The following SLC38A4 variants were observed in gnomAD, a reference collection of about 807,000 sequenced individuals.
The protein encoded by SLC38A4 is solute carrier family 38 member 4.
A neutral mutation model predicts 63.1 loss-of-function variants in SLC38A4; 20 were observed. The observed-to-expected ratio is 0.32, with a 90% CI of 0.22 to 0.46. SLC38A4 has a LOEUF of 0.46. SLC38A4 is among the 20% of genes least tolerant of loss of function. The probability of loss-of-function intolerance (pLI) is 1.00; values close to 1 mark genes in which losing one functional copy is unlikely to be tolerated. For missense variants in SLC38A4, 526 were observed against 663.6 expected (o/e 0.79, Z 2.28); for synonymous variants, 230 against 225.5 (o/e 1.02, Z -0.18).
chr12:46,812,639 C>A (rs115905597), intron 1 of SLC38A4, among the ~76,000 whole-genome samples: 1 of 152,016 alleles, frequency 6.6e-6, no homozygotes, highest in Non-Finnish European at 1.5e-5. Context: ...TGTACACATT[C>A]TTTTATTTTA....
chr12:46,824,982 T>C (rs1215718928), intron 1 of SLC38A4, among the ~76,000 whole-genome samples: 1 of 152,110 alleles, frequency 6.6e-6, no homozygotes, highest in Admixed American at 6.5e-5. Context: ...AGGTGAAAGG[T>C]TTAGGTGGCC....
chr12:46,798,967 C>T (rs1939073911), intron 2 of SLC38A4, among the ~76,000 whole-genome samples: 1 of 152,108 alleles, frequency 6.6e-6, no homozygotes, highest in East Asian at 1.9e-4. Flanking sequence ...ATCCTGGCTG[C>T]ATTAACTAAC....
intron 3 of SLC38A4, among the ~76,000 whole-genome samples, chr12:46,790,374 C>T (rs1938859039): frequency 6.6e-6 from 1 of 152,140 alleles, no homozygotes; most frequent in Non-Finnish European, 1.5e-5. Context: ...AAGCACAATG[C>T]CCTCAGTTGT....
upstream of SLC38A4, among the ~76,000 whole-genome samples, chr12:46,828,094 C>T (rs74082910): frequency 1.8e-3 from 275 of 152,178 alleles, 1 homozygote; most frequent in African/African-American, 6.2e-3. Context: ...TCTTAAATTC[C>T]TGAACTGACT....
At chr12:46,823,849 G>A (rs893684232) in intron 1 of SLC38A4, among the ~76,000 whole-genome samples, 4 of 152,176 alleles carry the variant, frequency 2.6e-5, no homozygotes, top group African/African-American at 9.7e-5. Flanking sequence ...ATTTCCCTTG[G>A]CTAGTTACAG....
At chr12:46,780,066 C>T in intron 7 of SLC38A4, 36 bp from the exon 8 acceptor site, 1 of 1,510,416 alleles carries the variant, frequency 6.6e-7, no homozygotes, top group Non-Finnish European at 9.2e-7. Context: ...ATGGTGTGGA[C>T]AGTACTGAAG....
chr12:46,789,898 GA>G (rs1415742486), intron 3 of SLC38A4, among the ~76,000 whole-genome samples: 1 of 152,066 alleles, frequency 6.6e-6, no homozygotes, highest in Non-Finnish European at 1.5e-5. Flanking sequence ...CCAACATGGT[GA>G]AACTTCGTCT....
At chr12:46,769,251 G>T in intron 15 of SLC38A4, 33 bp downstream of exon 15, 3 of 1,611,202 alleles carry the variant, frequency 1.9e-6, no homozygotes, top group Non-Finnish European at 1.7e-6. Context: ...CGTGAGTTTG[G>T]GTTGACCAAA....
At chr12:46,790,387 C>T (rs1367141049) in intron 3 of SLC38A4, among the ~76,000 whole-genome samples, 1 of 152,132 alleles carries the variant, frequency 6.6e-6, no homozygotes, top group Non-Finnish European at 1.5e-5. Context: ...TCAGTTGTTG[C>T]CTCTTTCCAT....
chr12:46,798,050 T>A (rs1454695982), intron 2 of SLC38A4, among the ~76,000 whole-genome samples: 1 of 152,172 alleles, frequency 6.6e-6, no homozygotes, highest in Non-Finnish European at 1.5e-5. Context: ...CCTTCACTCT[T>A]GTCCAAGCTA....
chr12:46,789,870 A>C (rs2120820551), intron 3 of SLC38A4, among the ~76,000 whole-genome samples: 1 of 152,304 alleles, frequency 6.6e-6, no homozygotes, highest in East Asian at 1.9e-4. Flanking sequence ...TGAGGTCAGG[A>C]GTTCAAGACC....
At chr12:46,795,273 A>G (rs1382435398) in intron 2 of SLC38A4, among the ~76,000 whole-genome samples, 1 of 152,196 alleles carries the variant, frequency 6.6e-6, no homozygotes, top group African/African-American at 2.4e-5. Context: ...TACTTTTACA[A>G]TTTGAGAATC....
intron 1 of SLC38A4, among the ~76,000 whole-genome samples, chr12:46,824,815 G>A (rs562964195): frequency 6.6e-6 from 1 of 152,296 alleles, no homozygotes; most frequent in African/African-American, 2.4e-5. Context: ...GATACAGGTG[G>A]AAGTTCTGCA....
chr12:46,782,770 G>T (rs972411301), intron 7 of SLC38A4, among the ~76,000 whole-genome samples: 1 of 150,804 alleles, frequency 6.6e-6, no homozygotes, highest in African/African-American at 2.4e-5. Context: ...GCCTTTGTAA[G>T]GTAATTTTTA....
At chr12:46,772,782 T>C (rs1331228309) in intron 14 of SLC38A4, among the ~76,000 whole-genome samples, 1 of 152,046 alleles carries the variant, frequency 6.6e-6, no homozygotes, top group Admixed American at 6.6e-5. Flanking sequence ...AGTTACCATG[T>C]TGAAAGAAGG....
chr12:46,768,311 C>T lies in SLC38A4; in HGVS notation c.1541G>A (p.Gly514Glu), dbSNP rs769964803. 6.2e-7 allele frequency: 1 copy of T among 1,606,794 alleles called. No individual in the cohort carries two copies. Among genetic ancestry groups the T allele is most frequent in the Non-Finnish European group, 8.5e-7 (1 of 1,175,480 alleles). The change falls in exon 16 of 17, where the codon GGG (glycine) becomes GAG (glutamate). Residue 514 changes from glycine to glutamate, a missense_variant and splice_region_variant. Transcript: ENST00000266579. ...GGGGAAATTGCAAGGTTTACTTACC[C>T]CGACCTTTTGGGGTGACCTAAAAGT... Reference protein sequence around the residue: ...KETFRSPQKVGALIFLVVGIF... With the variant: ...KETFRSPQKVEALIFLVVGIF...
chr12:46,821,675 G>A (rs1028126091), intron 1 of SLC38A4, among the ~76,000 whole-genome samples: 2 of 152,008 alleles, frequency 1.3e-5, no homozygotes, highest in Non-Finnish European at 2.9e-5. Context: ...GCTATTTTGA[G>A]TCTTTCATGG....
At chr12:46,831,768 C>T (rs1050495642) in intron 1 of SLC38A4, among the ~76,000 whole-genome samples, 4 of 152,212 alleles carry the variant, frequency 2.6e-5, no homozygotes, top group Non-Finnish European at 4.4e-5. Context: ...GACGCGGGCG[C>T]GGGTCCAGGG....
intron 1 of SLC38A4, among the ~76,000 whole-genome samples, chr12:46,808,106 A>G (rs533847668): frequency 1.3e-5 from 2 of 152,164 alleles, no homozygotes; most frequent in East Asian, 3.9e-4. Flanking sequence ...TCTATTTAAC[A>G]AAACAACATC....
Sources: allele counts gnomAD v4.1 joint callset (sites outside exome capture counted in the v4.1 genomes callset), GRCh38; gene constraint gnomAD v4.1.1; transcripts MANE v1.5; gene names NCBI Gene and HGNC (gene_info 2026-07-23, HGNC 2026-07-21).